Variants in PITPNC1 observed in about 807,000 individuals in gnomAD.
The protein encoded by PITPNC1 is cytoplasmic phosphatidylinositol transfer protein 1.
In PITPNC1, 18 loss-of-function variants were observed where a neutral mutation model predicts 44.7. That is an observed-to-expected ratio of 0.40 (90% CI 0.28 to 0.60). PITPNC1 has a LOEUF of 0.60. Among genes scored for constraint, PITPNC1 ranks in the 20% least tolerant of loss-of-function variants. The pLI, the probability that PITPNC1 is intolerant of heterozygous loss-of-function variation, is 0.39. For synonymous variants in PITPNC1, 141 were observed against 149.6 expected, an observed-to-expected ratio of 0.94 and a Z score of 0.42; for missense variants, 290 against 418.4, an observed-to-expected ratio of 0.69 and a Z score of 2.68.
intron 1 of PITPNC1, among the ~76,000 whole-genome samples, chr17:67,506,567 T>C (rs1413008616): frequency 6.6e-6 from 1 of 152,202 alleles, no homozygotes; most frequent in Non-Finnish European, 1.5e-5. Context: ...AATGATCATG[T>C]AAATTCAGGA....
At chr17:67,631,457 G>A (rs1381896193) in intron 5 of PITPNC1, among the ~76,000 whole-genome samples, 5 of 137,708 alleles carry the variant, frequency 3.6e-5, no homozygotes, top group Admixed American at 2.3e-4. Context: ...GTGAAACCCC[G>A]TCTCTACTAA....
chr17:67,468,559 G>A (rs947663747), intron 1 of PITPNC1, among the ~76,000 whole-genome samples: 5 of 149,732 alleles, frequency 3.3e-5, no homozygotes, highest in South Asian at 2.1e-4. Flanking sequence ...CCACCACCAC[G>A]CCCAGCTAAA....
intron 1 of PITPNC1, among the ~76,000 whole-genome samples, chr17:67,422,617 G>A (rs754766585): frequency 4.0e-5 from 6 of 151,340 alleles, no homozygotes; most frequent in Admixed American, 6.6e-5. Flanking sequence ...GTGTGATCTC[G>A]GCTCACTGCA....
At chr17:67,671,330 A>G (rs2042508887) in intron 7 of PITPNC1, among the ~76,000 whole-genome samples, 1 of 152,218 alleles carries the variant, frequency 6.6e-6, no homozygotes, top group African/African-American at 2.4e-5. Flanking sequence ...CATTTTCATA[A>G]GAATAAATAC....
intron 8 of PITPNC1, among the ~76,000 whole-genome samples, chr17:67,679,489 G>A (rs558052861): frequency 5.3e-5 from 8 of 152,292 alleles, no homozygotes; most frequent in African/African-American, 1.7e-4. Context: ...TGATGCATGG[G>A]TAGCTCTAGA....
chr17:67,659,009 T>G (rs1422301765), intron 6 of PITPNC1, among the ~76,000 whole-genome samples: 1 of 152,154 alleles, frequency 6.6e-6, no homozygotes, highest in African/African-American at 2.4e-5. Context: ...TAACTCCACC[T>G]CCTGTATTTT....
intron 6 of PITPNC1, among the ~76,000 whole-genome samples, chr17:67,664,904 CAAA>C (rs541838718): frequency 9.8e-5 from 9 of 91,570 alleles, no homozygotes; most frequent in South Asian, 7.0e-4. Flanking sequence ...GACTCCATCT[CAAA>C]AAAAAAAAAA....
Position 67,557,370 on chromosome 17 carries a change from C to T in PITPNC1, c.294+3753C>T, listed in dbSNP as rs368171174. ...GAATTTGGGGGAGACACAGTTCGGC[C>T]CATAGTATGCTCCTTCCAGGACCAG... On this transcript the variant is annotated intron_variant, in intron 4 of 8. Transcript: ENST00000581322. Among the ~76,000 whole-genome samples, 5 of 152,226 alleles carry T rather than the reference C, an allele frequency of 3.3e-5. No individual in the cohort carries two copies. The East Asian group carries it at 9.7e-4, about 29-fold the overall frequency.
At position 67,692,549 on chromosome 17, in the gene PITPNC1, T is replaced by C. The variant is rs1012127676; in HGVS notation, c.683-23T>C. ...TCTCTTATAAATAACTGCTCGTTTT[T>C]CTTTCTGTTTTTCTCCTTGAAGACA... On this transcript the variant is annotated intron_variant, in intron 8 of 8. Coordinates refer to ENST00000581322, the MANE Select transcript of PITPNC1 (RefSeq NM_012417.4). The C allele has an allele frequency of 1.1e-5, 17 of 1,571,926 alleles. No individual in the cohort carries two copies. In the Admixed American group the frequency reaches 2.0e-4, roughly 19 times the overall value.
intron 2 of PITPNC1, among the ~76,000 whole-genome samples, chr17:67,545,392 A>G (rs1402112800): frequency 6.6e-6 from 1 of 152,114 alleles, no homozygotes; most frequent in Admixed American, 6.5e-5. Flanking sequence ...AGCCTGGCCA[A>G]CAAGGTGAAA....
intron 1 of PITPNC1, among the ~76,000 whole-genome samples, chr17:67,524,275 T>A (rs1342381632): frequency 6.6e-6 from 1 of 152,024 alleles, no homozygotes; most frequent in Non-Finnish European, 1.5e-5. Flanking sequence ...AGATACCATC[T>A]CTACAGAAAA....
chr17:67,442,569 G>A (rs568552738), intron 1 of PITPNC1, among the ~76,000 whole-genome samples: 19 of 151,930 alleles, frequency 1.3e-4, no homozygotes, highest in African/African-American at 4.1e-4. Context: ...ATGGCTGGGC[G>A]TGGTGGCTCA....
intron 5 of PITPNC1, chr17:67,612,600 G>A (rs967858043): frequency 9.9e-5 from 15 of 152,190 alleles, no homozygotes; most frequent in African/African-American, 3.6e-4. Flanking sequence ...TGTTCCAGGA[G>A]CATTGAAGAA....
chr17:67,485,067 A>G (rs185018324), intron 1 of PITPNC1, among the ~76,000 whole-genome samples: 43 of 152,336 alleles, frequency 2.8e-4, no homozygotes, highest in African/African-American at 1.0e-3. Flanking sequence ...AGAAAGGTCA[A>G]GTGACTTCCC....
At chr17:67,381,946 GTTA>G (rs1356971466) in intron 1 of PITPNC1, among the ~76,000 whole-genome samples, 1 of 152,148 alleles carries the variant, frequency 6.6e-6, no homozygotes, top group Non-Finnish European at 1.5e-5. Flanking sequence ...GCACTGGTGT[GTTA>G]TTATCTATAT....
chr17:67,548,688 G>T (rs1052518239), intron 2 of PITPNC1, among the ~76,000 whole-genome samples: 59 of 152,256 alleles, frequency 3.9e-4, no homozygotes, highest in African/African-American at 1.4e-3. Context: ...TGCTGCTTGT[G>T]GTATCATTTT....
intron 5 of PITPNC1, among the ~76,000 whole-genome samples, chr17:67,616,411 G>T (rs142968508): frequency 0.01 from 1,532 of 152,256 alleles, 13 homozygotes; most frequent in Non-Finnish European, 0.014. Flanking sequence ...AAAGTGCTGG[G>T]GTTACAGGCA....
At chr17:67,596,732 A>G (rs1056751552) in intron 5 of PITPNC1, among the ~76,000 whole-genome samples, 3 of 151,930 alleles carry the variant, frequency 2.0e-5, no homozygotes, top group African/African-American at 7.3e-5. Flanking sequence ...TTTATTCTAA[A>G]CTGATAAAAA....
intron 6 of PITPNC1, among the ~76,000 whole-genome samples, chr17:67,651,891 A>T (rs939755676): frequency 7.2e-5 from 11 of 152,162 alleles, no homozygotes; most frequent in Non-Finnish European, 1.3e-4. Context: ...TCCTACATTA[A>T]TTCAGGGCTA....
Sources: gnomAD v4.1 joint callset for allele counts (sites outside exome capture counted in the v4.1 genomes callset) on GRCh38, gnomAD v4.1.1 for gene constraint, MANE v1.5 for transcripts, NCBI Gene and HGNC (gene_info 2026-07-23, HGNC 2026-07-21) for gene names.